FGF14: variants seen among roughly 807,000 people sequenced by gnomAD.
The protein encoded by FGF14 is fibroblast growth factor homologous factor 4.
In FGF14, 5 loss-of-function variants were observed where a neutral mutation model predicts 25.5. The ratio of observed to expected loss-of-function variants is 0.20; its 90% CI spans 0.10 to 0.41. The LOEUF is 0.41. FGF14 is among the 10% of genes least tolerant of loss of function. The probability of loss-of-function intolerance (pLI) is 1.00; values close to 1 mark genes in which losing one functional copy is unlikely to be tolerated. For missense variants in FGF14, 222 were observed against 320.1 expected, an observed-to-expected ratio of 0.69 and a Z score of 2.34; for synonymous variants, 138 against 118.3, an observed-to-expected ratio of 1.17 and a Z score of -1.08.
chr13:102,037,110 C>G (rs1595071477), intron 1 of FGF14, among the ~76,000 whole-genome samples: 1 of 152,216 alleles, frequency 6.6e-6, no homozygotes, highest in Non-Finnish European at 1.5e-5. Context: ...TAATTACTAT[C>G]ATGGATTAAA....
chr13:102,117,356 G>A (rs754454052), intron 1 of FGF14, among the ~76,000 whole-genome samples: 25 of 152,036 alleles, frequency 1.6e-4, no homozygotes, highest in Middle Eastern at 6.8e-3. Flanking sequence ...TCCATGTTCT[G>A]GGCCTGTCAT....
At chr13:102,217,960 AT>A (rs1221118541) in intron 1 of FGF14, among the ~76,000 whole-genome samples, 5 of 152,292 alleles carry the variant, frequency 3.3e-5, no homozygotes, top group South Asian at 2.1e-4. Flanking sequence ...AGTAAAAAAA[AT>A]ATGCACATAT....
intron 1 of FGF14, among the ~76,000 whole-genome samples, chr13:102,052,676 T>G (rs1021235221): frequency 6.6e-6 from 1 of 151,572 alleles, no homozygotes; most frequent in African/African-American, 2.4e-5. Context: ...GAATACCGTA[T>G]CCAGCAAATA....
chr13:102,078,671 G>A (rs1231062038), intron 1 of FGF14, among the ~76,000 whole-genome samples: 6 of 152,300 alleles, frequency 3.9e-5, no homozygotes, highest in Non-Finnish European at 4.4e-5. Flanking sequence ...GAAGTTCATA[G>A]AGACCCAGCA....
intron 1 of FGF14, among the ~76,000 whole-genome samples, chr13:102,195,428 A>C (rs2049306097): frequency 6.6e-6 from 1 of 152,162 alleles, no homozygotes; most frequent in African/African-American, 2.4e-5. Flanking sequence ...ATCCAAACTA[A>C]ATTGTTAAGA....
chr13:101,921,668 A>C (rs552049461), upstream of FGF14, among the ~76,000 whole-genome samples: 153 of 152,312 alleles, frequency 1.0e-3, no homozygotes, highest in Non-Finnish European at 1.7e-3. Flanking sequence ...TCCTCACTGT[A>C]GTGGCCTGCC....
chr13:101,835,313 A>G (rs2042871834), intron 3 of FGF14, among the ~76,000 whole-genome samples: 4 of 151,948 alleles, frequency 2.6e-5, no homozygotes, highest in South Asian at 2.1e-4. Flanking sequence ...TCAATATCCA[A>G]TTTCTCACAA....
intron 1 of FGF14, among the ~76,000 whole-genome samples, chr13:101,943,828 T>TATATATATATATATATATACACAC (rs1482940479): frequency 0.022 from 2,881 of 133,282 alleles, 144 homozygotes; most frequent in African/African-American, 0.085. Flanking sequence ...AAAAAAAAAA[T>TATATATATATATATATATACACAC]ATATATATAT....
At chr13:102,337,779 C>T (rs2056829943) in intron 1 of FGF14, among the ~76,000 whole-genome samples, 1 of 152,054 alleles carries the variant, frequency 6.6e-6, no homozygotes, top group African/African-American at 2.4e-5. Flanking sequence ...AACATAAAGG[C>T]GAGACTCTCC....
intron 1 of FGF14, among the ~76,000 whole-genome samples, chr13:102,351,488 T>C (rs1276885182): frequency 6.6e-6 from 1 of 152,260 alleles, no homozygotes; most frequent in Non-Finnish European, 1.5e-5. Flanking sequence ...GTATTAGTTA[T>C]GGGTAACTAG....
At chr13:102,201,755 G>C (rs1445315000) in intron 1 of FGF14, among the ~76,000 whole-genome samples, 2 of 152,166 alleles carry the variant, frequency 1.3e-5, no homozygotes, top group African/African-American at 4.8e-5. Flanking sequence ...AGAATGCTGA[G>C]GGACAAATTT....
chr13:101,759,308 A>T (rs938306046), intron 3 of FGF14, among the ~76,000 whole-genome samples: 1 of 152,156 alleles, frequency 6.6e-6, no homozygotes, highest in Admixed American at 6.5e-5. Flanking sequence ...ATATATGTAC[A>T]TGTATTAGGG....
At chr13:101,734,641 AATGAT>A (rs1294430069) in intron 3 of FGF14, among the ~76,000 whole-genome samples, 2 of 152,076 alleles carry the variant, frequency 1.3e-5, no homozygotes, top group African/African-American at 4.8e-5. Context: ...TAACAATAAT[AATGAT>A]GTTAATAACT....
chr13:101,896,168 G>A (rs1035284868), intron 1 of FGF14, among the ~76,000 whole-genome samples: 8 of 152,040 alleles, frequency 5.3e-5, no homozygotes, highest in Non-Finnish European at 8.8e-5. Flanking sequence ...TACTATTAAG[G>A]TGGGGCAATA....
intron 3 of FGF14, among the ~76,000 whole-genome samples, chr13:101,808,890 T>C (rs150844298): frequency 6.6e-6 from 1 of 152,150 alleles, no homozygotes; most frequent in African/African-American, 2.4e-5. Flanking sequence ...TAGTGCATAA[T>C]GTAATTTACA....
chr13:102,066,412 A>G (rs1202333994), intron 1 of FGF14, among the ~76,000 whole-genome samples: 1 of 152,196 alleles, frequency 6.6e-6, no homozygotes, highest in East Asian at 1.9e-4. Context: ...GCACTCAAAA[A>G]TAAAAGAACC....
chr13:102,342,569 T>C (rs2056984271), intron 1 of FGF14, among the ~76,000 whole-genome samples: 1 of 152,186 alleles, frequency 6.6e-6, no homozygotes, highest in Non-Finnish European at 1.5e-5. Context: ...CTACATATAA[T>C]ACTGAACATA....
chr13:102,323,957 ATGTGTGTG>A (rs3066051), intron 1 of FGF14, among the ~76,000 whole-genome samples: 11,008 of 136,398 alleles, frequency 0.081, 605 homozygotes, highest in African/African-American at 0.16. Flanking sequence ...AACGTGCAGT[ATGTGTGTG>A]TGTGTGTGTG....
In FGF14 at chr13:102,169,053, T is replaced by C. The variant is rs116821454; in HGVS notation, c.208+232418A>G. Reference sequence around the variant, plus strand: ...AGTTTACTCTTCCATCCTCTGAGACTAGAGCACTGATTCTGTCATTGATCC... The same window carrying C: ...AGTTTACTCTTCCATCCTCTGAGACCAGAGCACTGATTCTGTCATTGATCC... On this transcript the variant is annotated intron_variant, in intron 1 of 4. Transcript: ENST00000376131. Among the ~76,000 whole-genome samples the C allele has an allele frequency of 4.0e-3, 604 of 151,850 alleles. 4 individuals are homozygous for C. The highest frequency in any genetic ancestry group is 0.013 in the African/African-American group (551 of 41,392).
Sources: gnomAD v4.1 joint callset for allele counts (sites outside exome capture counted in the v4.1 genomes callset) on GRCh38, gnomAD v4.1.1 for gene constraint, MANE v1.5 for transcripts, NCBI Gene and HGNC (gene_info 2026-07-23, HGNC 2026-07-21) for gene names.